SYNE2: variants seen among roughly 807,000 people sequenced by gnomAD.
SYNE2 encodes spectrin repeat containing nuclear envelope protein 2, also known as nesprin-2.
SYNE2 carries 431 observed loss-of-function variants against 856.3 expected under a neutral mutation model. The ratio of observed to expected loss-of-function variants is 0.50; its 90% confidence interval spans 0.47 to 0.55. SYNE2 has a LOEUF of 0.55. Among genes scored for constraint, SYNE2 ranks in the 20% least tolerant of loss-of-function variants. The pLI, the probability that SYNE2 is intolerant of heterozygous loss-of-function variation, is 0.00. For missense variants in SYNE2, 8,129 were observed against 8,023.2 expected, an observed-to-expected ratio of 1.01 and a Z score of -0.50; for synonymous variants, 2,923 against 2,872.3, an observed-to-expected ratio of 1.02 and a Z score of -0.56.
At chr14:63,948,681 T>A (rs2096075986) in intron 6 of SYNE2, among the ~76,000 whole-genome samples, 1 of 136,532 alleles carries the variant, frequency 7.3e-6, no homozygotes, top group African/African-American at 2.6e-5. Context: ...AAATTATATA[T>A]ATATGTGTGT....
chr14:64,132,960 T>A (rs1187139816), intron 77 of SYNE2, among the ~76,000 whole-genome samples: 1 of 151,980 alleles, frequency 6.6e-6, no homozygotes, highest in East Asian at 1.9e-4. Flanking sequence ...CCCAGCACTT[T>A]GGGAGGCGGA....
intron 43 of SYNE2, among the ~76,000 whole-genome samples, chr14:64,028,195 C>T (rs1356117189): frequency 1.3e-5 from 2 of 151,896 alleles, no homozygotes; most frequent in Non-Finnish European, 2.9e-5. Flanking sequence ...GTGAGCCACA[C>T]CTGGCCTGTT....
intron 45 of SYNE2, among the ~76,000 whole-genome samples, chr14:64,043,566 T>C (rs550824862): frequency 2.6e-5 from 4 of 152,008 alleles, no homozygotes; most frequent in African/African-American, 7.2e-5. Context: ...AGCGACCGAG[T>C]GCCCTGTGTC....
At chr14:63,944,294 ATATATATATATAT>A (rs2095979996) in intron 6 of SYNE2, among the ~76,000 whole-genome samples, 1 of 146,738 alleles carries the variant, frequency 6.8e-6, no homozygotes, top group Admixed American at 6.8e-5. Flanking sequence ...ATATATATAT[ATATATATATATAT>A]AAATAAATAA....
At chr14:63,858,364 T>C (rs1892500357) in intron 1 of SYNE2, among the ~76,000 whole-genome samples, 1 of 139,652 alleles carries the variant, frequency 7.2e-6, no homozygotes, top group Non-Finnish European at 1.5e-5. Context: ...TCAAGTGATC[T>C]GCCCACCTTG....
At chr14:63,787,874 C>T (rs533125193) in intron 1 of SYNE2, among the ~76,000 whole-genome samples, 13 of 152,312 alleles carry the variant, frequency 8.5e-5, no homozygotes, top group African/African-American at 1.7e-4. Context: ...TTACAGGGAC[C>T]GCTCCCTTTG....
rs1010797147 is a variant in SYNE2, at chr14:63,878,606, G to A, written c.-52+25463G>A. On this transcript the variant is annotated intron_variant, in intron 1 of 115. Transcript: ENST00000555002. ...TACCCAGGCTGGAGTGCAGTGGTGC[G>A]ATCTCAACTCACTGCAGCTTTCACC... Among the ~76,000 whole-genome samples, 4 of 152,148 alleles carry A rather than the reference G, an allele frequency of 2.6e-5. 1 individual carries two copies. Among genetic ancestry groups the A allele is most frequent in the South Asian group, 4.2e-4 (2 of 4,814 alleles).
intron 1 of SYNE2, among the ~76,000 whole-genome samples, chr14:63,901,819 G>A (rs1263837179): frequency 4.6e-5 from 7 of 152,096 alleles, no homozygotes; most frequent in Non-Finnish European, 1.0e-4. Context: ...AGCTACTTGG[G>A]AGGACGAGGT....
intron 100 of SYNE2, among the ~76,000 whole-genome samples, chr14:64,207,208 G>T (rs559941271): frequency 6.6e-6 from 1 of 152,188 alleles, no homozygotes; most frequent in South Asian, 2.1e-4. Context: ...TTCAGTTGGC[G>T]GGTTAGCATT....
At chr14:64,128,248 G>C (rs1428176724) in intron 73 of SYNE2, among the ~76,000 whole-genome samples, 8 of 152,156 alleles carry the variant, frequency 5.3e-5, no homozygotes, top group Admixed American at 1.3e-4. Context: ...GTACAGTTGA[G>C]AGCTGGAGGG....
chr14:64,065,285 T>A lies in SYNE2; in HGVS notation c.10213-147T>A, dbSNP rs1255973. On this transcript the variant is annotated intron_variant, in intron 50 of 115. Transcript: ENST00000555002. ...ACATAGATAATTCTCATCTGGTCTA[T>A]ATTGACTTCTAAAAGGATAAGAGGT... 679,514 of 739,738 alleles carry A rather than the reference T, an allele frequency of 0.92. 312,788 individuals are homozygous for A. Among genetic ancestry groups the A allele is most frequent in the Non-Finnish European group, 0.94 (419,356 of 446,120 alleles). The allele number at this position is 739,738 out of a possible 1,614,324, so 45.8% of individuals were successfully genotyped here.
At chr14:63,835,677 T>C (rs1474262962) in intron 1 of SYNE2, among the ~76,000 whole-genome samples, 8 of 152,240 alleles carry the variant, frequency 5.3e-5, no homozygotes, top group Admixed American at 5.2e-4. Context: ...TTCTTAAATA[T>C]TATTCTTATT....
intron 108 of SYNE2, 184 bp from the exon 109 acceptor site, chr14:64,218,214 C>G (rs558210993): frequency 1.7e-6 from 1 of 589,300 alleles, no homozygotes; most frequent in African/African-American, 1.8e-5. Flanking sequence ...TTTATTTCTG[C>G]CATCAGCTTT....
chr14:63,977,570 G>C (rs540590397), intron 12 of SYNE2, among the ~76,000 whole-genome samples: 9 of 152,202 alleles, frequency 5.9e-5, no homozygotes, highest in South Asian at 2.1e-4. Flanking sequence ...AGGCAATATA[G>C]CAAGACCCCA....
At chr14:63,936,514 A>G (rs938164299) in intron 2 of SYNE2, among the ~76,000 whole-genome samples, 1 of 152,142 alleles carries the variant, frequency 6.6e-6, no homozygotes, top group Non-Finnish European at 1.5e-5. Flanking sequence ...TCACCTGTGG[A>G]TAACAGTAGA....
chr14:64,154,648 G>A (rs1254319275), intron 85 of SYNE2, among the ~76,000 whole-genome samples: 1 of 151,930 alleles, frequency 6.6e-6, no homozygotes, highest in East Asian at 1.9e-4. Flanking sequence ...GAAAAAATTA[G>A]CTGGGTGTGG....
chr14:64,117,935 TA>T (rs1269084019), intron 66 of SYNE2, among the ~76,000 whole-genome samples: 1 of 152,184 alleles, frequency 6.6e-6, no homozygotes, highest in Non-Finnish European at 1.5e-5. Flanking sequence ...GTGCAAAATT[TA>T]AAATGTATGA....
At chr14:64,182,061 C>CT (rs2098460562) in intron 96 of SYNE2, among the ~76,000 whole-genome samples, 1 of 152,118 alleles carries the variant, frequency 6.6e-6, no homozygotes, top group African/African-American at 2.4e-5. Context: ...TATACCCGTT[C>CT]TTTTTTGGTC....
intron 28 of SYNE2, among the ~76,000 whole-genome samples, chr14:64,001,472 G>A (rs772347706): frequency 1.3e-5 from 2 of 152,186 alleles, no homozygotes; most frequent in Non-Finnish European, 2.9e-5. Context: ...ATCACTTGAG[G>A]TCAGGAGTTC....
Sources: gnomAD v4.1 joint callset for allele counts (sites outside exome capture counted in the v4.1 genomes callset) on GRCh38, gnomAD v4.1.1 for gene constraint, MANE v1.5 for transcripts, NCBI Gene and HGNC (gene_info 2026-07-23, HGNC 2026-07-21) for gene names.